The following HAS2 variants were observed in gnomAD, a reference collection of about 807,000 sequenced individuals.
The protein encoded by HAS2 is HA synthase 2.
In HAS2, 16 loss-of-function variants were observed where a neutral mutation model predicts 51.6. The ratio of observed to expected loss-of-function variants is 0.31; its 90% CI spans 0.21 to 0.47. The LOEUF is 0.47. HAS2 is among the 20% of genes least tolerant of loss of function. HAS2 has a pLI of 1.00. For synonymous variants in HAS2, 228 were observed against 235.5 expected (o/e 0.97, Z 0.29); for missense variants, 361 against 662.6 (o/e 0.54, Z 5.00).
intron 2 of HAS2, among the ~76,000 whole-genome samples, chr8:121,618,414 G>C (rs1274069160): frequency 6.6e-6 from 1 of 151,960 alleles, no homozygotes; most frequent in African/African-American, 2.4e-5. Flanking sequence ...CCAAAAGCCG[G>C]GCAGAAAGAG....
chr8:121,617,948 T>C (rs550803195), intron 2 of HAS2, among the ~76,000 whole-genome samples: 9 of 151,872 alleles, frequency 5.9e-5, no homozygotes, highest in Non-Finnish European at 8.8e-5. Context: ...TAAATCACTT[T>C]AAGCTATTCT....
At chr8:121,620,981 C>T (rs1318997039) in intron 2 of HAS2, among the ~76,000 whole-genome samples, 1 of 152,186 alleles carries the variant, frequency 6.6e-6, no homozygotes, top group Admixed American at 6.5e-5. Context: ...GAAAGGCATG[C>T]ATCCACCCTT....
chr8:121,634,144 A>G (rs1020006583), intron 1 of HAS2, among the ~76,000 whole-genome samples: 2 of 152,000 alleles, frequency 1.3e-5, no homozygotes, highest in South Asian at 4.2e-4. Flanking sequence ...TCCTGACCTC[A>G]GGTGATCCAC....
chr8:121,625,097 CAA>C (rs537345385), intron 2 of HAS2, among the ~76,000 whole-genome samples: 2 of 57,954 alleles, frequency 3.5e-5, no homozygotes, highest in African/African-American at 1.3e-4. Flanking sequence ...GACTCCGTCT[CAA>C]AAAAAAAAAA....
intron 1 of HAS2, among the ~76,000 whole-genome samples, chr8:121,637,021 C>A (rs942313690): frequency 6.6e-6 from 1 of 152,138 alleles, no homozygotes; most frequent in Non-Finnish European, 1.5e-5. Context: ...AGGCAAAGTT[C>A]TTTTACTTAT....
At chr8:121,634,855 AAGATAGAAAAGGC>A (rs1279747663) in intron 1 of HAS2, among the ~76,000 whole-genome samples, 2 of 152,108 alleles carry the variant, frequency 1.3e-5, no homozygotes, top group African/African-American at 4.8e-5. Flanking sequence ...TTGGAAAGCA[AAGATAGAAAAGGC>A]AGATGGTCCC....
At chr8:121,623,608 A>T in intron 2 of HAS2, among the ~76,000 whole-genome samples, 1 of 152,196 alleles carries the variant, frequency 6.6e-6, no homozygotes, top group East Asian at 1.9e-4. Context: ...TTTGCTAGAT[A>T]TAATTAAGAT....
At chr8:121,616,596 C>T (rs1288154051) in intron 3 of HAS2, among the ~76,000 whole-genome samples, 3 of 151,918 alleles carry the variant, frequency 2.0e-5, no homozygotes, top group African/African-American at 4.8e-5. Context: ...CCACCACGCC[C>T]AGCTAATTTT....
At chr8:121,621,042 A>G (rs936628135) in intron 2 of HAS2, among the ~76,000 whole-genome samples, 1 of 152,196 alleles carries the variant, frequency 6.6e-6, no homozygotes, top group African/African-American at 2.4e-5. Flanking sequence ...TGCAACAGCA[A>G]AATTGACTAG....
chr8:121,616,958 G>A, intron 3 of HAS2, 147 bp downstream of exon 3: 1 of 586,294 alleles, frequency 1.7e-6, no homozygotes, highest in Non-Finnish European at 3.0e-6. Flanking sequence ...GCAGATCCAA[G>A]GCACATTTTA....
intron 1 of HAS2, among the ~76,000 whole-genome samples, chr8:121,629,973 T>A (rs1452450451): frequency 1.3e-5 from 2 of 152,300 alleles, no homozygotes; most frequent in Non-Finnish European, 2.9e-5. Context: ...TGTAAAAATA[T>A]CTGTTAAATG....
chr8:121,630,576 C>T (rs1812916102), intron 1 of HAS2, among the ~76,000 whole-genome samples: 4 of 152,108 alleles, frequency 2.6e-5, no homozygotes, highest in Admixed American at 6.5e-5. Flanking sequence ...AATGCAATAT[C>T]TTCATCTTTA....
At chr8:121,623,490 G>A (rs1205682658) in intron 2 of HAS2, among the ~76,000 whole-genome samples, 1 of 152,100 alleles carries the variant, frequency 6.6e-6, no homozygotes, top group Non-Finnish European at 1.5e-5. Flanking sequence ...AAGCAATCTG[G>A]GGGGAAAAGG....
Position 121,614,272 on chromosome 8 carries a change from T to G in HAS2, c.1496A>C (p.Glu499Ala), listed in dbSNP as rs770378716. The G allele has an allele frequency of 6.2e-7, 1 of 1,614,136 alleles. No individual in the cohort carries two copies. The highest frequency in any genetic ancestry group is 1.1e-5 in the South Asian group (1 of 91,074). ...GGATTCTGAAAATGGCCTTTTAGAC[T>G]CCTTATAAATGGTGAAAATCACACC... is the stretch of plus-strand genomic sequence containing the variant. ...LGGVIFTIYKESKRPFSESKQ... is the reference protein window; with the variant it reads ...LGGVIFTIYKASKRPFSESKQ... Residue 499 changes from glutamate (E) to alanine (A), a missense_variant, in exon 4 of 4, where the codon GAG becomes GCG. Coordinates refer to ENST00000303924, the MANE Select transcript of HAS2 (RefSeq NM_005328.3). This position sits in a 1 kb window ranked among gnomAD's most constrained non-coding sequence, Gnocchi z 7.2.
intron 1 of HAS2, among the ~76,000 whole-genome samples, chr8:121,638,809 A>G (rs867353896): frequency 6.6e-6 from 1 of 152,250 alleles, no homozygotes; most frequent in Non-Finnish European, 1.5e-5. Flanking sequence ...AATTTAATGA[A>G]TGAGTCAACT....
In HAS2 at chr8:121,612,839, T is replaced by G. The variant is rs1270712997; in HGVS notation, c.*1270A>C. ...TTCCTCATTTGAAAGTAAAAGAGGA[T>G]AGATACTTGGTGATTCTATCTGCCA... On this transcript the variant is annotated 3_prime_UTR_variant, in exon 4 of 4. Coordinates refer to ENST00000303924, the MANE Select transcript of HAS2 (RefSeq NM_005328.3). 1.3e-5 allele frequency: 2 copies of G among 152,028 alleles called. No homozygotes were observed. The highest frequency in any genetic ancestry group is 4.8e-5 in the African/African-American group (2 of 41,380). The allele number at this position is 152,028 out of a possible 1,614,324, so 9.4% of individuals were successfully genotyped here.
chr8:121,614,337 T>A lies in HAS2; in HGVS notation c.1431A>T (p.Gly477=), dbSNP rs530553094. The A allele has an allele frequency of 6.2e-7, 1 of 1,613,904 alleles. No homozygotes were observed. The highest frequency in any genetic ancestry group is 1.1e-5 in the South Asian group (1 of 91,066). The change falls in exon 4 of 4, where the codon GGA becomes GGT. Residue 477 remains glycine (G), a synonymous_variant. Coordinates refer to ENST00000303924, the MANE Select transcript of HAS2 (RefSeq NM_005328.3). The surrounding 1 kb of genome is among the most constrained non-coding windows in gnomAD (Gnocchi z 7.2). ...GRKTIVVNFI[G]LIPVSVWFTI... Reference sequence around the variant, plus strand: ...TAAACCAAACTGATACTGGAATGAGTCCTATGAAATTAACAACAATGGTTT... The same window carrying A: ...TAAACCAAACTGATACTGGAATGAGACCTATGAAATTAACAACAATGGTTT...
In HAS2 at chr8:121,614,177, C is replaced by T. The variant is rs1563619064; in HGVS notation, c.1591G>A (p.Val531Ile). Residue 531 changes from valine to isoleucine, a missense_variant, in exon 4 of 4, where the codon GTA (valine) becomes ATA (isoleucine). Physicochemically the swap from Val to Ile is conservative, Grantham distance 29 (BLOSUM62 3). Around this residue, in one of 5 missense-constraint regions of HAS2, gnomAD observed 61 missense variants for 73.1 expected, o/e 0.84. Coordinates refer to ENST00000303924, the MANE Select transcript of HAS2 (RefSeq NM_005328.3). This position sits in a 1 kb window ranked among gnomAD's most constrained non-coding sequence, Gnocchi z 7.2. Reference protein sequence around the residue: ...CYWVMLLTLYVVLINKCGRRK... With the variant: ...CYWVMLLTLYIVLINKCGRRK... Reference sequence around the variant, plus strand: ...CTGCCACACTTATTGATGAGAACTACATACAGCGTCAAAAGCATGACCCAA... The same window carrying T: ...CTGCCACACTTATTGATGAGAACTATATACAGCGTCAAAAGCATGACCCAA... 8 of 1,614,044 alleles carry T rather than the reference C, an allele frequency of 5.0e-6. No individual in the cohort carries two copies. Among genetic ancestry groups the T allele is most frequent in the African/African-American group, 1.3e-5 (1 of 74,908 alleles).
Position 121,628,887 on chromosome 8 carries a change from A to G in HAS2, c.454T>C (p.Phe152Leu). The change falls in exon 2 of 4, where the codon TTC becomes CTC. Residue 152 changes from phenylalanine to leucine, a missense_variant. Physicochemically the swap from Phe to Leu is conservative, Grantham distance 22. Coordinates refer to ENST00000303924, the MANE Select transcript of HAS2 (RefSeq NM_005328.3). Reference sequence around the variant, plus strand: ...GTCTCACCGGGACCCTTTTCGTGGAAGTTGTTCTTCCAGATATAAGTGGCT... The same window carrying G: ...GTCTCACCGGGACCCTTTTCGTGGAGGTTGTTCTTCCAGATATAAGTGGCT... ...KSATYIWKNNFHEKGPGETDE... is the reference protein window; with the variant it reads ...KSATYIWKNNLHEKGPGETDE... The G allele has an allele frequency of 6.2e-7, 1 of 1,614,070 alleles. No homozygotes were observed. Among genetic ancestry groups the G allele is most frequent in the Non-Finnish European group, 8.5e-7 (1 of 1,179,948 alleles).
Sources: allele counts gnomAD v4.1 joint callset (sites outside exome capture counted in the v4.1 genomes callset), GRCh38; gene constraint gnomAD v4.1.1; regional missense constraint gnomAD v4.1.1; non-coding constraint Gnocchi (gnomAD v3.1); transcripts MANE v1.5; gene names NCBI Gene and HGNC (gene_info 2026-07-23, HGNC 2026-07-21).